Variants in NRXN1 observed in about 807,000 individuals in gnomAD.
NRXN1 encodes neurexin-1.
NRXN1 carries 39 observed loss-of-function variants against 150.9 expected under a neutral mutation model. The observed-to-expected ratio is 0.26, with a 90% CI of 0.20 to 0.34. The LOEUF (loss-of-function observed/expected upper bound fraction) is 0.34. NRXN1 is among the 10% of genes least tolerant of loss of function. The pLI, the probability that NRXN1 is intolerant of heterozygous loss-of-function variation, is 1.00. For synonymous variants in NRXN1, 924 were observed against 757.0 expected (o/e 1.22, Z -3.62); for missense variants, 1,815 against 1,949.9 (o/e 0.93, Z 1.30).
chr2:50,973,591 T>A (rs1438563839), intron 2 of NRXN1, among the ~76,000 whole-genome samples: 1 of 152,100 alleles, frequency 6.6e-6, no homozygotes, highest in Non-Finnish European at 1.5e-5. Context: ...AAGAGTTACA[T>A]ATAGAGTATA....
intron 5 of NRXN1, among the ~76,000 whole-genome samples, chr2:50,748,958 T>A (rs1700288062): frequency 1.3e-5 from 2 of 152,098 alleles, no homozygotes; most frequent in South Asian, 4.1e-4. Context: ...GATAGCTCTA[T>A]CTCACAGATA....
intron 17 of NRXN1, among the ~76,000 whole-genome samples, chr2:50,247,393 A>G (rs1476141968): frequency 6.6e-6 from 1 of 152,098 alleles, no homozygotes; most frequent in Non-Finnish European, 1.5e-5. Flanking sequence ...TTAATGATTT[A>G]TTAATACTCA....
intron 6 of NRXN1, among the ~76,000 whole-genome samples, chr2:50,622,352 T>G (rs957461721): frequency 3.9e-5 from 6 of 152,170 alleles, no homozygotes; most frequent in African/African-American, 1.4e-4. Flanking sequence ...AGGGCTGTTT[T>G]GGTAAAGGAA....
chr2:50,056,024 C>G (rs1439830098), intron 19 of NRXN1, among the ~76,000 whole-genome samples: 2 of 152,018 alleles, frequency 1.3e-5, no homozygotes, highest in African/African-American at 4.8e-5. Flanking sequence ...TACGAAGAAT[C>G]TGAGACACCA....
chr2:50,750,073 A>T (rs1700416902), intron 5 of NRXN1, among the ~76,000 whole-genome samples: 1 of 152,034 alleles, frequency 6.6e-6, no homozygotes, highest in Non-Finnish European at 1.5e-5. Context: ...ATGCATAGAC[A>T]TTGGGATGGG....
intron 5 of NRXN1, among the ~76,000 whole-genome samples, chr2:50,651,402 C>T (rs1685589220): frequency 6.6e-6 from 1 of 151,892 alleles, no homozygotes; most frequent in Non-Finnish European, 1.5e-5. Flanking sequence ...CACTTAAGCT[C>T]AGGAGCTCAA....
intron 2 of NRXN1, among the ~76,000 whole-genome samples, chr2:51,001,098 G>C (rs1699989072): frequency 6.6e-6 from 1 of 151,844 alleles, no homozygotes; most frequent in Non-Finnish European, 1.5e-5. Context: ...TGAATGAATA[G>C]ATTTTTGTGT....
intron 5 of NRXN1, among the ~76,000 whole-genome samples, chr2:50,709,172 G>A (rs1694818118): frequency 1.3e-5 from 2 of 152,104 alleles, no homozygotes; most frequent in South Asian, 2.1e-4. Flanking sequence ...GTTGAGGAAT[G>A]AGCTTGGTAT....
intron 2 of NRXN1, among the ~76,000 whole-genome samples, chr2:50,952,469 T>C (rs1464901539): frequency 2.6e-5 from 4 of 151,998 alleles, no homozygotes; most frequent in African/African-American, 4.8e-5. Context: ...ATAATGTTTT[T>C]GTTTGTCATG....
intron 17 of NRXN1, among the ~76,000 whole-genome samples, chr2:50,310,136 C>T (rs1301035389): frequency 6.6e-6 from 1 of 152,178 alleles, no homozygotes; most frequent in Non-Finnish European, 1.5e-5. Context: ...GAGTATCTTG[C>T]TCTTGTTTGT....
intron 21 of NRXN1, among the ~76,000 whole-genome samples, chr2:49,989,960 T>G (rs2152518932): frequency 6.6e-6 from 1 of 152,246 alleles, no homozygotes; most frequent in African/African-American, 2.4e-5. Flanking sequence ...TATTTCTCTC[T>G]AATGGGTGAA....
At chr2:50,100,837 G>A (rs1036316732) in intron 18 of NRXN1, among the ~76,000 whole-genome samples, 1 of 152,034 alleles carries the variant, frequency 6.6e-6, no homozygotes, top group Non-Finnish European at 1.5e-5. Flanking sequence ...TATGTGTAAA[G>A]AATGTCTTTT....
intron 18 of NRXN1, among the ~76,000 whole-genome samples, chr2:50,193,965 T>G (rs2061598615): frequency 1.3e-5 from 2 of 152,262 alleles, no homozygotes; most frequent in South Asian, 4.1e-4. Context: ...AGCTAATGCT[T>G]GTGTAGTAGT....
At chr2:50,646,092 A>C (rs147655979) in intron 5 of NRXN1, among the ~76,000 whole-genome samples, 185 of 152,028 alleles carry the variant, frequency 1.2e-3, no homozygotes, top group Middle Eastern at 6.8e-3. Context: ...ATCCACAAAG[A>C]TATATAGAGA....
At chr2:50,675,330 G>T (rs140381445) in intron 5 of NRXN1, among the ~76,000 whole-genome samples, 2,139 of 152,186 alleles carry the variant, frequency 0.014, 47 homozygotes, top group African/African-American at 0.049. Context: ...TACTGCTTGC[G>T]TCTAACGTGC....
intron 15 of NRXN1, among the ~76,000 whole-genome samples, chr2:50,478,067 C>A (rs1481788421): frequency 1.3e-5 from 2 of 152,060 alleles, no homozygotes; most frequent in African/African-American, 4.8e-5. Context: ...GTATTGCACA[C>A]ACATAAAGGA....
chr2:50,173,804 T>C (rs191894722), intron 18 of NRXN1, among the ~76,000 whole-genome samples: 2 of 152,304 alleles, frequency 1.3e-5, no homozygotes, highest in East Asian at 1.9e-4. Flanking sequence ...ATTAAATTAA[T>C]GTTAAAAAAA....
chr2:50,844,710 C>T (rs991477245), intron 5 of NRXN1, among the ~76,000 whole-genome samples: 2 of 152,120 alleles, frequency 1.3e-5, no homozygotes, highest in Non-Finnish European at 2.9e-5. Context: ...CCTGCTTTTT[C>T]GAATAGTCGG....
At chr2:50,666,455 A>G (rs1233093793) in intron 5 of NRXN1, among the ~76,000 whole-genome samples, 1 of 151,904 alleles carries the variant, frequency 6.6e-6, no homozygotes, top group Admixed American at 6.6e-5. Flanking sequence ...TTAGAGATAT[A>G]TGGTAGGTAT....
Sources: allele counts gnomAD v4.1 joint callset (sites outside exome capture counted in the v4.1 genomes callset), GRCh38; gene constraint gnomAD v4.1.1; transcripts MANE v1.5; gene names NCBI Gene and HGNC (gene_info 2026-07-23, HGNC 2026-07-21).